The following ASB7 variants were observed in gnomAD, a reference collection of about 807,000 sequenced individuals.
The protein encoded by ASB7 is ankyrin repeat and SOCS box containing 7, also known as ankyrin repeat and SOCS box protein 7.
In ASB7, 4 loss-of-function variants were observed where a neutral mutation model predicts 32.5. The ratio of observed to expected loss-of-function variants is 0.12; its 90% CI spans 0.06 to 0.28. ASB7 has a LOEUF of 0.28. ASB7 is among the 10% of genes least tolerant of loss of function. The pLI, the probability that ASB7 is intolerant of heterozygous loss-of-function variation, is 1.00. For missense variants in ASB7, 181 were observed against 407.1 expected, an observed-to-expected ratio of 0.44 and a Z score of 4.78; for synonymous variants, 172 against 155.6, an observed-to-expected ratio of 1.11 and a Z score of -0.78.
In ASB7 at chr15:100,629,784, G is replaced by A. The variant is rs755374001; in HGVS notation, c.559G>A (p.Ala187Thr). The A allele has an allele frequency of 2.5e-6, 4 of 1,614,080 alleles. No individual in the cohort carries two copies. Among genetic ancestry groups the A allele is most frequent in the Admixed American group, 1.7e-5 (1 of 60,006 alleles). The change falls in exon 5 of 6, where the codon GCC (alanine) becomes ACC (threonine). Residue 187 changes from alanine (A) to threonine (T), a missense_variant. Coordinates refer to ENST00000332783, the MANE Select transcript of ASB7 (RefSeq NM_198243.3). The surrounding 1 kb of genome is among the most constrained non-coding windows in gnomAD (Gnocchi z 6.8). ...DIQNGFLLRY[A>T]VIKSNHSYCR... Reference sequence around the variant, plus strand: ...TCAGAATGGTTTCCTGTTGCGATACGCCGTGATCAAAAGCAATCACTCTTA... The same window carrying A: ...TCAGAATGGTTTCCTGTTGCGATACACCGTGATCAAAAGCAATCACTCTTA...
In ASB7 at chr15:100,639,814, T is replaced by C. The variant is rs995348149; in HGVS notation, c.818-8509T>C. 5.3e-5 allele frequency among the ~76,000 whole-genome samples: 8 copies of C among 152,256 alleles called. 1 individual carries two copies. The highest frequency in any genetic ancestry group is 1.9e-4 in the African/African-American group (8 of 41,478). On this transcript the variant is annotated intron_variant, in intron 5 of 5. Transcript: ENST00000332783. The stretch of plus-strand genomic sequence containing the variant: ...AGGTTCTTTGATACAGAAAATATCC[T>C]GCCCTTTATAGTATTTATATTACTT...
At chr15:100,623,728 ACT>A in intron 4 of ASB7, among the ~76,000 whole-genome samples, 1 of 152,200 alleles carries the variant, frequency 6.6e-6, no homozygotes, top group Middle Eastern at 3.4e-3. Flanking sequence ...GTCAAAGAAA[ACT>A]CTTAATACGG....
intron 5 of ASB7, among the ~76,000 whole-genome samples, chr15:100,647,507 T>A (rs2040004759): frequency 6.6e-6 from 1 of 152,248 alleles, no homozygotes; most frequent in South Asian, 2.1e-4. Context: ...TCTTCCTTGT[T>A]TTTGGAGCCA....
chr15:100,644,783 G>A (rs1173802962), intron 5 of ASB7, among the ~76,000 whole-genome samples: 1 of 152,140 alleles, frequency 6.6e-6, no homozygotes, highest in Non-Finnish European at 1.5e-5. Flanking sequence ...TTTTGGCAGA[G>A]ATCTGAAAGG....
At chr15:100,612,514 GCTTCT>G (rs1454754809) in intron 4 of ASB7, 87 bp downstream of exon 4, 13 of 1,237,232 alleles carry the variant, frequency 1.1e-5, no homozygotes, top group Non-Finnish European at 1.2e-6. Flanking sequence ...AATTTTTAAT[GCTTCT>G]CTTCTGTTAA....
At chr15:100,636,952 C>T (rs966721910) in intron 5 of ASB7, among the ~76,000 whole-genome samples, 2 of 152,190 alleles carry the variant, frequency 1.3e-5, no homozygotes, top group Admixed American at 6.5e-5. Flanking sequence ...GGCATGTTAG[C>T]GTGAATCGAG....
chr15:100,634,439 A>T (rs567555802), intron 5 of ASB7, among the ~76,000 whole-genome samples: 2 of 152,352 alleles, frequency 1.3e-5, no homozygotes, highest in South Asian at 4.1e-4. Context: ...TTAAGCACAA[A>T]TTATAGACCT....
chr15:100,617,576 T>G (rs1254614248), intron 4 of ASB7, among the ~76,000 whole-genome samples: 1 of 152,256 alleles, frequency 6.6e-6, no homozygotes, highest in Non-Finnish European at 1.5e-5. Context: ...CCCGGGATCC[T>G]TGTATATATC....
chr15:100,612,172 C>G lies in ASB7; in HGVS notation c.-45C>G. On this transcript the variant is annotated 5_prime_UTR_variant, in exon 4 of 6. In the 5' UTR this introduces an upstream ATG that the reference lacks. Coordinates refer to ENST00000332783, the MANE Select transcript of ASB7 (RefSeq NM_198243.3). The stretch of plus-strand genomic sequence containing the variant: ...CTACCTTCTCTTCTTAAAGGCTGAT[C>G]CCCGTAACCTAATGAATCCTTTGTA... The G allele has an allele frequency of 6.6e-7, 1 of 1,518,772 alleles. No homozygotes were observed. The highest frequency in any genetic ancestry group is 9.1e-7 in the Non-Finnish European group (1 of 1,096,540). 94.1% of individuals were successfully genotyped at this position (1,518,772 alleles called of 1,614,324 possible). A position where few individuals can be genotyped will look rare whatever the true frequency, so the allele number is the denominator to read the frequency against.
rs531382278 is a variant in ASB7 at position 100,649,543 on chromosome 15, C to T, written c.*1081C>T. On this transcript the variant is annotated 3_prime_UTR_variant, in exon 6 of 6. Transcript: ENST00000332783. ...CAGTTTAAAAAAAAAACTTTTTAAG[C>T]GTAAAATCTTTAAGGGGTACACATT... 1.2e-4 allele frequency: 19 copies of T among 152,172 alleles called. No homozygotes were observed. The highest frequency in any genetic ancestry group is 2.1e-4 in the South Asian group (1 of 4,818). The allele number at this position is 152,172 out of a possible 1,614,324, so 9.4% of individuals were successfully genotyped here.
intron 5 of ASB7, among the ~76,000 whole-genome samples, chr15:100,634,510 GAA>G (rs2039908016): frequency 6.6e-6 from 1 of 152,178 alleles, no homozygotes; most frequent in African/African-American, 2.4e-5. Flanking sequence ...GGATTGAAAA[GAA>G]AAGAGATAGG....
chr15:100,606,969 A>G (rs2039650388), intron 2 of ASB7, among the ~76,000 whole-genome samples: 1 of 152,124 alleles, frequency 6.6e-6, no homozygotes, highest in African/African-American at 2.4e-5. Context: ...CCTGACTAAC[A>G]TGGTGAAACC....
intron 5 of ASB7, among the ~76,000 whole-genome samples, chr15:100,630,907 C>T (rs1319321414): frequency 6.6e-6 from 1 of 150,512 alleles, no homozygotes; most frequent in Non-Finnish European, 1.5e-5. Flanking sequence ...TTCCTTTTTC[C>T]TCACTGGTTT....
intron 5 of ASB7, among the ~76,000 whole-genome samples, chr15:100,634,593 C>T (rs924435367): frequency 3.9e-5 from 6 of 152,116 alleles, no homozygotes; most frequent in Non-Finnish European, 5.9e-5. Flanking sequence ...CACTTGAGGC[C>T]GGGAGTTAGA....
chr15:100,628,683 C>T (rs575506623), intron 4 of ASB7, among the ~76,000 whole-genome samples: 6 of 152,284 alleles, frequency 3.9e-5, no homozygotes, highest in Non-Finnish European at 7.3e-5. Context: ...AGTCACATAG[C>T]AGATAAATTA....
intron 4 of ASB7, among the ~76,000 whole-genome samples, chr15:100,628,464 CTT>C (rs1260236196): frequency 6.6e-6 from 1 of 152,128 alleles, no homozygotes; most frequent in Non-Finnish European, 1.5e-5. Context: ...ATTAAGGTGA[CTT>C]TTACAAGAGA....
intron 4 of ASB7, among the ~76,000 whole-genome samples, chr15:100,615,459 A>G (rs923268867): frequency 2.6e-5 from 4 of 152,286 alleles, no homozygotes; most frequent in Non-Finnish European, 4.4e-5. Context: ...TCAGCTGCTG[A>G]ATATAGTATT....
intron 5 of ASB7, among the ~76,000 whole-genome samples, chr15:100,642,967 T>C (rs1278027171): frequency 6.6e-6 from 1 of 152,120 alleles, no homozygotes; most frequent in African/African-American, 2.4e-5. Context: ...ACCCTGGAGG[T>C]GGAGGTTGCA....
At chr15:100,634,319 G>A (rs76564898) in intron 5 of ASB7, among the ~76,000 whole-genome samples, 2,367 of 152,302 alleles carry the variant, frequency 0.016, 45 homozygotes, top group African/African-American at 0.042. Context: ...ACGTATTCAC[G>A]TGTACACACA....
Sources: allele counts gnomAD v4.1 joint callset (sites outside exome capture counted in the v4.1 genomes callset), GRCh38; gene constraint gnomAD v4.1.1; non-coding constraint Gnocchi (gnomAD v3.1); transcripts MANE v1.5; gene names NCBI Gene and HGNC (gene_info 2026-07-23, HGNC 2026-07-21).